Variants in ABCC3 observed in about 807,000 individuals in gnomAD.
ABCC3 encodes the protein ATP binding cassette subfamily C member 3, also known as ATP-binding cassette sub-family C member 3.
Under a neutral mutation model 165.3 loss-of-function variants are expected in ABCC3, and 121 were observed. That is an observed-to-expected ratio of 0.73 (90% CI 0.63 to 0.85). ABCC3 has a LOEUF of 0.85. Ranked by LOEUF, ABCC3 falls within the 40% of genes least tolerant of loss-of-function variation. The pLI is 0.00. For synonymous variants in ABCC3, 733 were observed against 810.1 expected (o/e 0.90, Z 1.62); for missense variants, 1,869 against 1,964.1 (o/e 0.95, Z 0.92).
intron 1 of ABCC3, among the ~76,000 whole-genome samples, chr17:50,654,331 A>T (rs187869833): frequency 6.6e-6 from 1 of 152,226 alleles, no homozygotes; most frequent in African/African-American, 2.4e-5. Flanking sequence ...AGATTAGTAC[A>T]TTAGTGGCCT....
intron 19 of ABCC3, among the ~76,000 whole-genome samples, chr17:50,673,967 T>TCCTTC (rs1393138560): frequency 4.2e-4 from 7 of 16,556 alleles, no homozygotes; most frequent in Admixed American, 2.7e-3. Flanking sequence ...TTTCTTTCTT[T>TCCTTC]CTTTCTTTCT....
chr17:50,674,371 C>T (rs1427270710), intron 19 of ABCC3: 2 of 152,084 alleles, frequency 1.3e-5, no homozygotes, highest in Non-Finnish European at 2.9e-5. Context: ...GATCTCAGAG[C>T]CTGTTTTCCA....
chr17:50,652,059 G>C (rs1451989312), intron 1 of ABCC3, among the ~76,000 whole-genome samples: 1 of 152,202 alleles, frequency 6.6e-6, no homozygotes, highest in East Asian at 1.9e-4. Flanking sequence ...AAAAGTATTT[G>C]AGGTAGTTCT....
At chr17:50,684,627 C>T in intron 28 of ABCC3, 82 bp from the exon 29 acceptor site, 1 of 1,448,746 alleles carries the variant, frequency 6.9e-7, no homozygotes, top group Admixed American at 2.2e-5. Flanking sequence ...ACCTTAATCC[C>T]TCTCTTCTTC....
Position 50,658,133 on chromosome 17 carries a change from C to G in ABCC3, c.538C>G (p.Leu180Val), listed in dbSNP as rs201443043. The stretch of plus-strand genomic sequence containing the variant: ...CACCACCTTCTACATCCACTTTGCC[C>G]TGGTACTCTCTGCCCTCATCTTGGC... Reference protein sequence around the residue: ...RFTTFYIHFALVLSALILACF... With the variant: ...RFTTFYIHFAVVLSALILACF... The change falls in exon 5 of 31, where the codon CTG becomes GTG. Residue 180 changes from leucine to valine, a missense_variant. Leu to Val is a conservative substitution (Grantham distance 32, BLOSUM62 1). Coordinates refer to ENST00000285238, the MANE Select transcript of ABCC3 (RefSeq NM_003786.4). 89 of 1,614,112 alleles carry G rather than the reference C, an allele frequency of 5.5e-5. No homozygotes were observed. Among genetic ancestry groups the G allele is most frequent in the Non-Finnish European group, 7.5e-5 (88 of 1,180,038 alleles).
intron 1 of ABCC3, among the ~76,000 whole-genome samples, chr17:50,640,117 A>C (rs904101660): frequency 6.6e-6 from 1 of 152,200 alleles, no homozygotes; most frequent in African/African-American, 2.4e-5. Flanking sequence ...CCAGAACCCC[A>C]GCTAGGCCAC....
intron 20 of ABCC3, 75 bp downstream of exon 20, chr17:50,675,551 G>T (rs943996698): frequency 5.7e-6 from 9 of 1,572,642 alleles, no homozygotes; most frequent in Non-Finnish European, 7.8e-6. Flanking sequence ...TGGGGTGCAG[G>T]TTTCTCCCTG....
chr17:50,664,700 C>T (rs1172145964), intron 10 of ABCC3: 1 of 106,956 alleles, frequency 9.3e-6, no homozygotes, highest in Non-Finnish European at 1.6e-5. Flanking sequence ...AAGACTCTGT[C>T]TCAAAAAAAA....
intron 7 of ABCC3, 101 bp from the exon 8 acceptor site, chr17:50,660,822 C>A: frequency 9.7e-7 from 1 of 1,034,504 alleles, no homozygotes; most frequent in Non-Finnish European, 1.4e-6. Context: ...AAGAAAACAG[C>A]TCCTTCCTCC....
At chr17:50,659,463 G>A in intron 7 of ABCC3, 95 bp downstream of exon 7, 1 of 1,449,030 alleles carries the variant, frequency 6.9e-7, no homozygotes, top group African/African-American at 1.4e-5. Flanking sequence ...GGCATTGCTG[G>A]GGTGGCAAGC....
chr17:50,636,690 C>T (rs927330198), intron 1 of ABCC3, among the ~76,000 whole-genome samples: 1 of 152,198 alleles, frequency 6.6e-6, no homozygotes, highest in African/African-American at 2.4e-5. Flanking sequence ...CTCATTGTTC[C>T]TGGGTAGCCT....
chr17:50,658,753 G>T (rs1473131611), intron 6 of ABCC3, among the ~76,000 whole-genome samples: 1 of 152,252 alleles, frequency 6.6e-6, no homozygotes, highest in African/African-American at 2.4e-5. Flanking sequence ...AGGCCCAGGA[G>T]GCTGGAAGAA....
rs1416239796 is a variant in ABCC3, at chr17:50,644,253, G to A, written c.45+9272G>A. The stretch of plus-strand genomic sequence containing the variant: ...TTGAACCCGGGAGGTGGAGGTTGCA[G>A]TGAGCCAAGGTCACACCACTGCACT... On this transcript the variant is annotated intron_variant, in intron 1 of 30. Coordinates refer to ENST00000285238, the MANE Select transcript of ABCC3 (RefSeq NM_003786.4). Among the ~76,000 whole-genome samples the A allele has an allele frequency of 2.8e-5, 4 of 141,170 alleles. No individual in the cohort carries two copies. The East Asian group carries it at 8.7e-4, about 31-fold the overall frequency. 92.6% of individuals were successfully genotyped at this position (141,170 alleles called of 152,430 possible).
chr17:50,663,551 A>T, intron 8 of ABCC3, 130 bp from the exon 9 acceptor site: 1 of 1,077,952 alleles, frequency 9.3e-7, no homozygotes, highest in Non-Finnish European at 1.3e-6. Flanking sequence ...CTGGCCCAAG[A>T]GGTTGGAGGG....
chr17:50,635,351 T>C, intron 1 of ABCC3: 1 of 636,296 alleles, frequency 1.6e-6, no homozygotes, highest in East Asian at 2.7e-5. Context: ...CGCGGGTTCC[T>C]GATGGAGGGT....
chr17:50,680,525 C>G (rs187845804), intron 26 of ABCC3, among the ~76,000 whole-genome samples: 8 of 152,190 alleles, frequency 5.3e-5, no homozygotes, highest in Non-Finnish European at 1.2e-4. Flanking sequence ...CGCTCTCATG[C>G]TCCAAGTCCC....
At position 50,675,766 on chromosome 17, in the gene ABCC3, C is replaced by T; in HGVS notation, c.2850C>T (p.Ala950=). The change falls in exon 21 of 31, where the codon GCC becomes GCT. Residue 950 remains alanine (A), a synonymous_variant. Transcript: ENST00000285238. ...DGALTQEEKA[A]IGTVELSVFW... ...CACTGACCCAGGAGGAGAAAGCAGCCATTGGCACTGTGAGTCGGTGGGGCA... is the reference window on the plus strand; with the variant it reads ...CACTGACCCAGGAGGAGAAAGCAGCTATTGGCACTGTGAGTCGGTGGGGCA... 1 of 1,569,320 alleles carries T rather than the reference C, an allele frequency of 6.4e-7. No individual in the cohort carries two copies.
intron 1 of ABCC3, among the ~76,000 whole-genome samples, chr17:50,641,348 G>C (rs1046977220): frequency 6.6e-6 from 1 of 152,218 alleles, no homozygotes; most frequent in Non-Finnish European, 1.5e-5. Context: ...TCTTCAGAGC[G>C]GGAATGAGAG....
chr17:50,652,436 T>C (rs1051393528), intron 1 of ABCC3, among the ~76,000 whole-genome samples: 1 of 152,222 alleles, frequency 6.6e-6, no homozygotes, highest in Admixed American at 6.5e-5. Context: ...GAACCTATTA[T>C]AAAGAGGCAA....
Sources: allele counts gnomAD v4.1 joint callset (sites outside exome capture counted in the v4.1 genomes callset), GRCh38; gene constraint gnomAD v4.1.1; transcripts MANE v1.5; gene names NCBI Gene and HGNC (gene_info 2026-07-23, HGNC 2026-07-21).